Variants in CADPS2 observed in about 807,000 individuals in gnomAD.
CADPS2 encodes the protein calcium-dependent secretion activator 2.
A neutral mutation model predicts 172.5 loss-of-function variants in CADPS2; 93 were observed. The ratio of observed to expected loss-of-function variants is 0.54; its 90% CI spans 0.46 to 0.64. The LOEUF (loss-of-function observed/expected upper bound fraction) is 0.64, where lower values mean the gene tolerates loss of function less well. Among genes scored for constraint, CADPS2 ranks in the 30% least tolerant of loss-of-function variants. The pLI is 0.00. For synonymous variants in CADPS2, 546 were observed against 555.2 expected, an observed-to-expected ratio of 0.98 and a Z score of 0.23; for missense variants, 1,420 against 1,565.9, an observed-to-expected ratio of 0.91 and a Z score of 1.57.
intron 6 of CADPS2, among the ~76,000 whole-genome samples, chr7:122,597,402 T>C (rs1445033571): frequency 6.6e-6 from 1 of 152,100 alleles, no homozygotes; most frequent in East Asian, 1.9e-4. Flanking sequence ...GGTCTGAATG[T>C]ATGTGTCCCC....
intron 8 of CADPS2, among the ~76,000 whole-genome samples, chr7:122,544,303 T>C (rs920741622): frequency 9.9e-5 from 15 of 152,146 alleles, no homozygotes; most frequent in African/African-American, 3.6e-4. Context: ...GGGCTAAGGA[T>C]TATGATTAAT....
At chr7:122,508,889 GC>G (rs1183292515) in intron 9 of CADPS2, among the ~76,000 whole-genome samples, 2 of 152,114 alleles carry the variant, frequency 1.3e-5, no homozygotes, top group Non-Finnish European at 2.9e-5. Flanking sequence ...TGTTGAAGGG[GC>G]CTTTCATTTT....
At chr7:122,576,890 G>T in intron 7 of CADPS2, among the ~76,000 whole-genome samples, 1 of 151,798 alleles carries the variant, frequency 6.6e-6, no homozygotes, top group Non-Finnish European at 1.5e-5. Context: ...CTCCTGAGTA[G>T]CTGGGGTTAC....
At chr7:122,666,686 C>T (rs1213871207) in intron 2 of CADPS2, among the ~76,000 whole-genome samples, 5 of 152,226 alleles carry the variant, frequency 3.3e-5, no homozygotes, top group Admixed American at 6.5e-5. Context: ...TGCCGGAGGA[C>T]GTACACTGGA....
chr7:122,365,424 T>G (rs1162349910), intron 25 of CADPS2, among the ~76,000 whole-genome samples: 1 of 152,168 alleles, frequency 6.6e-6, no homozygotes, highest in Non-Finnish European at 1.5e-5. Flanking sequence ...AAGAGCTACC[T>G]TAAAAATCAA....
intron 9 of CADPS2, among the ~76,000 whole-genome samples, chr7:122,512,437 G>A (rs1339850627): frequency 2.0e-5 from 3 of 152,088 alleles, no homozygotes; most frequent in Admixed American, 2.0e-4. Context: ...GGACTGGAAT[G>A]ACTATTACTT....
intron 20 of CADPS2, among the ~76,000 whole-genome samples, chr7:122,395,127 T>C (rs1182216606): frequency 1.3e-5 from 2 of 152,192 alleles, no homozygotes; most frequent in Admixed American, 6.5e-5. Context: ...AAAAGCCTAA[T>C]AGTGTTTTAG....
At chr7:122,705,299 T>A (rs2086815700) in intron 2 of CADPS2, among the ~76,000 whole-genome samples, 1 of 151,166 alleles carries the variant, frequency 6.6e-6, no homozygotes, top group South Asian at 2.1e-4. Context: ...TACTGTAATC[T>A]GTTCCTTTTA....
intron 6 of CADPS2, among the ~76,000 whole-genome samples, chr7:122,612,192 C>A (rs913194464): frequency 6.6e-6 from 1 of 151,724 alleles, no homozygotes; most frequent in South Asian, 2.1e-4. Flanking sequence ...CAACATTGAA[C>A]TGGAAACAAT....
chr7:122,864,461 C>T (rs190903446), intron 1 of CADPS2, among the ~76,000 whole-genome samples: 37 of 147,960 alleles, frequency 2.5e-4, no homozygotes, highest in Admixed American at 2.2e-3. Flanking sequence ...GCCTGGGCAA[C>T]AAAGTGAAAC....
rs772242836 is a variant in CADPS2, at chr7:122,698,448, G to T, written c.454-34879C>A. 12 of 1,613,834 alleles carry T rather than the reference G, an allele frequency of 7.4e-6. No individual in the cohort carries two copies. Among genetic ancestry groups the T allele is most frequent in the East Asian group, 6.7e-5 (3 of 44,890 alleles). On this transcript the variant is annotated intron_variant, in intron 2 of 29. Coordinates refer to ENST00000449022, the MANE Select transcript of CADPS2 (RefSeq NM_017954.11). ...AATGGAAAATTTCCGTGCCTTTTAAGTTACCAATCATAACCACAACGACAT... is the reference window on the plus strand; with the variant it reads ...AATGGAAAATTTCCGTGCCTTTTAATTTACCAATCATAACCACAACGACAT...
rs147536675 is a variant in CADPS2 at position 122,546,302 on chromosome 7, T to C, written c.1475+8248A>G. Among the ~76,000 whole-genome samples the C allele has an allele frequency of 2.6e-5, 4 of 152,288 alleles. No individual in the cohort carries two copies. The East Asian group carries it at 7.7e-4, about 29-fold the overall frequency. ...GGGCTGTGGCCGTGATATTATACCCTATTAACAACGCCCCATTCAAGTAAG... is the reference window on the plus strand; with the variant it reads ...GGGCTGTGGCCGTGATATTATACCCCATTAACAACGCCCCATTCAAGTAAG... On this transcript the variant is annotated intron_variant, in intron 8 of 29. Transcript: ENST00000449022.
intron 2 of CADPS2, among the ~76,000 whole-genome samples, chr7:122,733,765 A>G (rs2091894839): frequency 1.3e-5 from 2 of 151,996 alleles, no homozygotes. Flanking sequence ...TTGACCAATG[A>G]GAGCTAAGCA....
intron 9 of CADPS2, among the ~76,000 whole-genome samples, chr7:122,499,764 A>T (rs1319738244): frequency 6.6e-6 from 1 of 152,208 alleles, no homozygotes; most frequent in East Asian, 1.9e-4. Flanking sequence ...AGTTATAATT[A>T]TTCAACACCA....
At position 122,820,620 on chromosome 7, in the gene CADPS2, C is replaced by T. The variant is rs1292489806; in HGVS notation, c.339+65379G>A. On this transcript the variant is annotated intron_variant, in intron 1 of 29. Transcript: ENST00000449022. ...TGTCGCCCAGGCTGGAGTGCAGTGGCGCGATCTCGGCTCACTGCAAGCTCC... is the reference window on the plus strand; with the variant it reads ...TGTCGCCCAGGCTGGAGTGCAGTGGTGCGATCTCGGCTCACTGCAAGCTCC... 1.1e-4 allele frequency among the ~76,000 whole-genome samples: 13 copies of T among 114,704 alleles called. 4 individuals are homozygous for T. The highest frequency in any genetic ancestry group is 0.011 in the Middle Eastern group (2 of 174). The allele number at this position is 114,704 out of a possible 152,430, so 75.3% of individuals were successfully genotyped here. A position where few individuals can be genotyped will look rare whatever the true frequency, so the allele number is the denominator to read the frequency against.
rs2031985172 is a variant in CADPS2, at chr7:122,319,696, T to A, written c.*469A>T. The A allele has an allele frequency of 6.6e-6, 1 of 152,530 alleles. No individual in the cohort carries two copies. 9.4% of individuals were successfully genotyped at this position (152,530 alleles called of 1,614,324 possible). ...TTAAGTACAAAACGAACCTGGCACATAAATTATAATTTGTAAGGTACACAC... is the reference window on the plus strand; with the variant it reads ...TTAAGTACAAAACGAACCTGGCACAAAAATTATAATTTGTAAGGTACACAC... On this transcript the variant is annotated 3_prime_UTR_variant, in exon 30 of 30. Transcript: ENST00000449022.
At chr7:122,723,642 T>C (rs2090743643) in intron 2 of CADPS2, among the ~76,000 whole-genome samples, 1 of 152,126 alleles carries the variant, frequency 6.6e-6, no homozygotes, top group Non-Finnish European at 1.5e-5. Context: ...GATCTAGAAC[T>C]AGAAATACCA....
intron 1 of CADPS2, among the ~76,000 whole-genome samples, chr7:122,852,346 T>A (rs532743551): frequency 6.6e-6 from 1 of 152,302 alleles, no homozygotes; most frequent in African/African-American, 2.4e-5. Context: ...ACAGGAGAAT[T>A]TTTAAAAATC....
At chr7:122,518,445 G>GT (rs72451273) in intron 8 of CADPS2, among the ~76,000 whole-genome samples, 1 of 151,974 alleles carries the variant, frequency 6.6e-6, no homozygotes, top group Admixed American at 6.6e-5. Flanking sequence ...TAAAAAATTT[G>GT]TTTTTTATGT....
Sources: allele counts gnomAD v4.1 joint callset (sites outside exome capture counted in the v4.1 genomes callset), GRCh38; gene constraint gnomAD v4.1.1; transcripts MANE v1.5; gene names NCBI Gene and HGNC (gene_info 2026-07-23, HGNC 2026-07-21).